Variants in PTPRD observed in about 807,000 individuals in gnomAD.
PTPRD encodes protein tyrosine phosphatase receptor type D, also known as receptor-type tyrosine-protein phosphatase delta.
Under a neutral mutation model 214.5 loss-of-function variants are expected in PTPRD, and 34 were observed. The ratio of observed to expected loss-of-function variants is 0.16; its 90% CI spans 0.12 to 0.21. The LOEUF (loss-of-function observed/expected upper bound fraction) is 0.21, where lower values mean the gene tolerates loss of function less well. PTPRD is among the 10% of genes least tolerant of loss of function. The pLI is 1.00. For synonymous variants in PTPRD, 1,128 were observed against 845.7 expected (o/e 1.33, Z -5.79); for missense variants, 2,545 against 2,398.7 (o/e 1.06, Z -1.27).
chr9:8,580,272 C>T (rs1023610425), intron 14 of PTPRD, among the ~76,000 whole-genome samples: 8 of 151,998 alleles, frequency 5.3e-5, no homozygotes, highest in Non-Finnish European at 7.4e-5. Context: ...AACTGACAAA[C>T]CAAGACAGAT....
At chr9:9,855,565 C>T (rs2061394115) in intron 5 of PTPRD, among the ~76,000 whole-genome samples, 1 of 152,148 alleles carries the variant, frequency 6.6e-6, no homozygotes, top group South Asian at 2.1e-4. Flanking sequence ...CTCATTTCCT[C>T]AACCTGCCGC....
intron 2 of PTPRD, among the ~76,000 whole-genome samples, chr9:10,411,503 G>A (rs2098435861): frequency 6.6e-6 from 1 of 151,760 alleles, no homozygotes; most frequent in African/African-American, 2.4e-5. Context: ...CCAGAATGGT[G>A]ATATTCAGAA....
chr9:9,881,261 G>C (rs1320064077), intron 5 of PTPRD, among the ~76,000 whole-genome samples: 3 of 151,980 alleles, frequency 2.0e-5, no homozygotes, highest in African/African-American at 7.2e-5. Flanking sequence ...ATCATCTTTT[G>C]GATACATATC....
intron 44 of PTPRD, 63 bp downstream of exon 44, chr9:8,331,519 T>C (rs1841063097): frequency 2.5e-6 from 4 of 1,577,864 alleles, no homozygotes; most frequent in Admixed American, 1.7e-5. Context: ...CTACAAAAAG[T>C]GTATACAGAC....
intron 7 of PTPRD, among the ~76,000 whole-genome samples, chr9:9,714,017 G>C (rs1485324786): frequency 1.3e-5 from 2 of 148,818 alleles, no homozygotes; most frequent in African/African-American, 2.5e-5. Context: ...CTTGGACCCA[G>C]TGTAGCTTAT....
intron 2 of PTPRD, among the ~76,000 whole-genome samples, chr9:10,494,469 A>C (rs2041404395): frequency 6.6e-6 from 1 of 151,796 alleles, no homozygotes; most frequent in South Asian, 2.1e-4. Context: ...AATTATGCCT[A>C]GATGCTATTA....
intron 14 of PTPRD, among the ~76,000 whole-genome samples, chr9:8,623,750 G>A (rs2095898970): frequency 1.3e-5 from 2 of 151,738 alleles, no homozygotes; most frequent in Non-Finnish European, 2.9e-5. Flanking sequence ...AGCTTAGAGA[G>A]GTTAGGAAAT....
chr9:8,737,706 A>G (rs1192185305), intron 11 of PTPRD, among the ~76,000 whole-genome samples: 2 of 152,140 alleles, frequency 1.3e-5, no homozygotes, highest in Non-Finnish European at 2.9e-5. Flanking sequence ...GCTGGAGTGC[A>G]GTGGCACAAT....
At chr9:8,706,569 G>C (rs2098214839) in intron 12 of PTPRD, among the ~76,000 whole-genome samples, 1 of 152,068 alleles carries the variant, frequency 6.6e-6, no homozygotes, top group South Asian at 2.1e-4. Flanking sequence ...TTAGGAAACA[G>C]AGCGATTATC....
intron 30 of PTPRD, among the ~76,000 whole-genome samples, chr9:8,475,996 G>T (rs1259569782): frequency 2.0e-5 from 3 of 152,126 alleles, no homozygotes; most frequent in Admixed American, 2.0e-4. Flanking sequence ...TTTCTCTTAG[G>T]ATAAAGACTG....
intron 33 of PTPRD, chr9:8,451,796 T>G (rs928197058): frequency 7.8e-5 from 33 of 424,606 alleles, no homozygotes; most frequent in African/African-American, 5.9e-4. Flanking sequence ...GACTAAAATT[T>G]GGATTTTTCT....
At chr9:9,803,655 T>C (rs2099055506) in intron 5 of PTPRD, 2 of 152,022 alleles carry the variant, frequency 1.3e-5, no homozygotes, top group African/African-American at 4.8e-5. Context: ...ATACCAATGA[T>C]GTCTGTGAGG....
At chr9:9,050,797 T>C (rs2099683598) in intron 10 of PTPRD, among the ~76,000 whole-genome samples, 1 of 152,172 alleles carries the variant, frequency 6.6e-6, no homozygotes, top group African/African-American at 2.4e-5. Flanking sequence ...GTTATAATTG[T>C]TCTATTTTAT....
intron 10 of PTPRD, among the ~76,000 whole-genome samples, chr9:9,123,415 A>G (rs2099819503): frequency 6.6e-6 from 1 of 152,224 alleles, no homozygotes; most frequent in East Asian, 1.9e-4. Context: ...AATAAGTCGC[A>G]TATTAACTAT....
chr9:8,554,174 C>G (rs1438489390), intron 14 of PTPRD, among the ~76,000 whole-genome samples: 1 of 152,006 alleles, frequency 6.6e-6, no homozygotes, highest in South Asian at 2.1e-4. Flanking sequence ...AACGACAGGG[C>G]AAGACTCTGT....
intron 39 of PTPRD, among the ~76,000 whole-genome samples, chr9:8,371,288 C>T (rs184219392): frequency 4.6e-5 from 7 of 152,088 alleles, no homozygotes; most frequent in Non-Finnish European, 1.0e-4. Flanking sequence ...CCTTGAAACT[C>T]TTACTATTTT....
At chr9:10,421,246 G>A (rs971098784) in intron 2 of PTPRD, among the ~76,000 whole-genome samples, 1 of 151,750 alleles carries the variant, frequency 6.6e-6, no homozygotes. Flanking sequence ...CTAGCTAGGT[G>A]CACATGCCAC....
intron 2 of PTPRD, among the ~76,000 whole-genome samples, chr9:10,368,984 G>T (rs773773431): frequency 6.6e-6 from 1 of 151,998 alleles, no homozygotes; most frequent in Admixed American, 6.6e-5. Context: ...AGTCATATCT[G>T]TTCTGGGGAA....
chr9:9,695,955 A>G (rs1301700548), intron 7 of PTPRD, among the ~76,000 whole-genome samples: 1 of 151,942 alleles, frequency 6.6e-6, no homozygotes, highest in Non-Finnish European at 1.5e-5. Context: ...ATTTTTTTTT[A>G]GTTTGAATAC....
Sources: gnomAD v4.1 joint callset for allele counts (sites outside exome capture counted in the v4.1 genomes callset) on GRCh38, gnomAD v4.1.1 for gene constraint, MANE v1.5 for transcripts, NCBI Gene and HGNC (gene_info 2026-07-23, HGNC 2026-07-21) for gene names.